The following SORCS1 variants were observed in gnomAD, a reference collection of about 807,000 sequenced individuals.
SORCS1 encodes sortilin related VPS10 domain containing receptor 1, also known as VPS10 domain-containing receptor SorCS1.
In SORCS1, 60 loss-of-function variants were observed where a neutral mutation model predicts 146.1. That is an observed-to-expected ratio of 0.41 (90% confidence interval 0.33 to 0.51). SORCS1 has a LOEUF of 0.51. Among genes scored for constraint, SORCS1 ranks in the 20% least tolerant of loss-of-function variants. SORCS1 has a pLI of 0.21. For missense variants in SORCS1, 1,352 were observed against 1,487.6 expected (o/e 0.91, Z 1.50); for synonymous variants, 637 against 584.0 (o/e 1.09, Z -1.31).
At position 106,963,108 on chromosome 10, in the gene SORCS1, G is replaced by C. The variant is rs1018350987; in HGVS notation, c.559-6528C>G. Reference sequence around the variant, plus strand: ...ATAAGAGAGCAGTGTTCAATGGCCAGAATTTTTTTTTTTTTTTTTTTTTTT... The same window carrying C: ...ATAAGAGAGCAGTGTTCAATGGCCACAATTTTTTTTTTTTTTTTTTTTTTT... On this transcript the variant is annotated intron_variant, in intron 1 of 25. Transcript: ENST00000263054. Among the ~76,000 whole-genome samples, 51 of 67,290 alleles carry C rather than the reference G, an allele frequency of 7.6e-4. 1 individual carries two copies. The highest frequency in any genetic ancestry group is 1.9e-3 in the African/African-American group (44 of 23,510). The allele number at this position is 67,290 out of a possible 152,430, so 44.1% of individuals were successfully genotyped here. A position where few individuals can be genotyped will look rare whatever the true frequency, so the allele number is the denominator to read the frequency against.
chr10:106,755,243 T>G (rs1858546167), intron 5 of SORCS1, among the ~76,000 whole-genome samples: 1 of 152,198 alleles, frequency 6.6e-6, no homozygotes, highest in South Asian at 2.1e-4. Flanking sequence ...ATTTCAAAAT[T>G]TAAAGTTTTT....
chr10:106,926,765 G>A (rs1419506397), intron 2 of SORCS1, among the ~76,000 whole-genome samples: 1 of 149,434 alleles, frequency 6.7e-6, no homozygotes, highest in African/African-American at 2.5e-5. Context: ...GCATTAAGAT[G>A]GTACTAGATC....
At chr10:106,580,279 C>T (rs1359560941) in intron 24 of SORCS1, among the ~76,000 whole-genome samples, 1 of 152,182 alleles carries the variant, frequency 6.6e-6, no homozygotes, top group African/African-American at 2.4e-5. Context: ...CAGCCCTCCC[C>T]AAGATGCTCC....
At chr10:107,024,184 A>G (rs1404950560) in intron 1 of SORCS1, among the ~76,000 whole-genome samples, 90 of 151,992 alleles carry the variant, frequency 5.9e-4, no homozygotes, top group Admixed American at 5.7e-3. Flanking sequence ...AAAAAAAAAA[A>G]AAAAAAAAAG....
In SORCS1 at chr10:107,135,523, T is replaced by C. The variant is rs557720973; in HGVS notation, c.558+28446A>G. Among the ~76,000 whole-genome samples the C allele has an allele frequency of 3.9e-5, 6 of 152,302 alleles. No individual in the cohort carries two copies. In the East Asian group the frequency reaches 7.7e-4, roughly 20 times the overall value. ...TAAACACAAGTTGCTGGAAAAATCA[T>C]GAAAGGGCATTGATCAAACTATCCT... On this transcript the variant is annotated intron_variant, in intron 1 of 25. Coordinates refer to ENST00000263054, the MANE Select transcript of SORCS1 (RefSeq NM_052918.5).
chr10:106,898,474 C>T (rs1048124711), intron 2 of SORCS1, among the ~76,000 whole-genome samples: 8 of 152,142 alleles, frequency 5.3e-5, no homozygotes, highest in South Asian at 2.1e-4. Flanking sequence ...TGTTTACTCA[C>T]GAAAAGAGAA....
chr10:106,745,389 C>T (rs941423248), intron 5 of SORCS1, among the ~76,000 whole-genome samples: 17 of 145,506 alleles, frequency 1.2e-4, no homozygotes, highest in South Asian at 2.2e-4. Context: ...CCAGCCTGGG[C>T]GACAGAGTGA....
intron 1 of SORCS1, among the ~76,000 whole-genome samples, chr10:107,159,875 C>T (rs181227665): frequency 1.9e-3 from 292 of 152,020 alleles, no homozygotes; most frequent in Non-Finnish European, 3.0e-3. Flanking sequence ...AATGTATAGC[C>T]AAGTCAAGCA....
At chr10:107,028,939 C>A (rs572063687) in intron 1 of SORCS1, among the ~76,000 whole-genome samples, 1 of 152,298 alleles carries the variant, frequency 6.6e-6, no homozygotes, top group South Asian at 2.1e-4. Context: ...TTGGACTAGA[C>A]AATCTCTCGG....
chr10:106,761,485 C>A, intron 5 of SORCS1, 103 bp downstream of exon 5: 2 of 974,338 alleles, frequency 2.1e-6, no homozygotes, highest in Admixed American at 3.5e-5. Context: ...AAGAACAGAC[C>A]TTATGTGAGA....
intron 2 of SORCS1, among the ~76,000 whole-genome samples, chr10:106,914,585 G>A (rs1454846239): frequency 1.3e-5 from 2 of 152,118 alleles, no homozygotes; most frequent in African/African-American, 4.8e-5. Flanking sequence ...ATTGTGCATG[G>A]TGACTCTGGA....
intron 1 of SORCS1, among the ~76,000 whole-genome samples, chr10:106,965,658 T>C (rs1024737411): frequency 3.3e-5 from 5 of 152,182 alleles, no homozygotes; most frequent in Non-Finnish European, 5.9e-5. Context: ...AGCCAGTAAT[T>C]TGAAGTCTAA....
At chr10:106,662,987 G>A (rs1036859045) in intron 17 of SORCS1, among the ~76,000 whole-genome samples, 7 of 152,192 alleles carry the variant, frequency 4.6e-5, no homozygotes, top group Non-Finnish European at 1.0e-4. Context: ...AGTTGGCTGA[G>A]TGGAATTTGC....
chr10:107,077,515 G>A (rs886469088), intron 1 of SORCS1, among the ~76,000 whole-genome samples: 10 of 150,920 alleles, frequency 6.6e-5, no homozygotes, highest in East Asian at 5.8e-4. Flanking sequence ...TTAGGAAAAC[G>A]TACATATTTT....
rs189581149 is a variant in SORCS1, at chr10:106,923,125, G to A, written c.626+33388C>T. Among the ~76,000 whole-genome samples, 296 of 152,238 alleles carry A rather than the reference G, an allele frequency of 1.9e-3. 1 individual carries two copies. Among genetic ancestry groups the A allele is most frequent in the African/African-American group, 6.5e-3 (272 of 41,552 alleles). The stretch of plus-strand genomic sequence containing the variant: ...AGGATGGTCTCGATCTCTTGACCTC[G>A]TGATCCGCCCGCCTCAGCATCCCAA... On this transcript the variant is annotated intron_variant, in intron 2 of 25. Coordinates refer to ENST00000263054, the MANE Select transcript of SORCS1 (RefSeq NM_052918.5).
intron 13 of SORCS1, among the ~76,000 whole-genome samples, chr10:106,675,698 T>C (rs763546016): frequency 1.3e-5 from 2 of 152,226 alleles, no homozygotes; most frequent in Non-Finnish European, 2.9e-5. Flanking sequence ...GTCACTGGAA[T>C]GCTCTAAATG....
chr10:106,949,583 G>A (rs1383353963), intron 2 of SORCS1, among the ~76,000 whole-genome samples: 1 of 152,182 alleles, frequency 6.6e-6, no homozygotes. Context: ...TAATGGCCAC[G>A]AAATTGTGTC....
the SORCS1 span, among the ~76,000 whole-genome samples, chr10:107,179,172 G>A: frequency 4.3e-3 from 649 of 152,258 alleles, 27 homozygotes; most frequent in East Asian, 0.1. Context: ...GCAATAAGAT[G>A]ATGTCTCATT....
chr10:106,985,504 G>A (rs909179767), intron 1 of SORCS1, among the ~76,000 whole-genome samples: 5 of 151,366 alleles, frequency 3.3e-5, no homozygotes, highest in African/African-American at 4.9e-5. Context: ...AAGACAACAC[G>A]TGAAGTCTAT....
Sources: allele counts gnomAD v4.1 joint callset (sites outside exome capture counted in the v4.1 genomes callset), GRCh38; gene constraint gnomAD v4.1.1; transcripts MANE v1.5; gene names NCBI Gene and HGNC (gene_info 2026-07-23, HGNC 2026-07-21).